RGL3: variants seen among roughly 807,000 people sequenced by gnomAD.
RGL3 encodes ral guanine nucleotide dissociation stimulator-like 3.
RGL3 carries 85 observed loss-of-function variants against 90.6 expected under a neutral mutation model. The ratio of observed to expected loss-of-function variants is 0.94; its 90% CI spans 0.79 to 1.12. The LOEUF (loss-of-function observed/expected upper bound fraction) is 1.12. RGL3 is among the 50% of genes most tolerant of loss of function. The probability of loss-of-function intolerance (pLI) is 0.00; values close to 1 mark genes in which losing one functional copy is unlikely to be tolerated. For synonymous variants in RGL3, 408 were observed against 385.5 expected, an observed-to-expected ratio of 1.06 and a Z score of -0.68; for missense variants, 1,034 against 939.2, an observed-to-expected ratio of 1.10 and a Z score of -1.32.
At chr19:11,405,670 G>A (rs1017749440) in intron 7 of RGL3, among the ~76,000 whole-genome samples, 4 of 149,252 alleles carry the variant, frequency 2.7e-5, no homozygotes, top group African/African-American at 9.8e-5. Flanking sequence ...CTACAGGCGC[G>A]CGCCATCATG....
intron 5 of RGL3, chr19:11,408,688 A>G (rs1968824049): frequency 6.6e-6 from 1 of 152,220 alleles, no homozygotes; most frequent in Non-Finnish European, 1.5e-5. Context: ...TGGAGGGGAA[A>G]CTTTGGAAAC....
Position 11,406,425 on chromosome 19 carries a change from G to C in RGL3, c.990C>G (p.Ile330Met). ...RAQRLEKWIR[I>M]AQRCRELRNF... ...CTCCGCGCCCGCAACACACCTGGGC[G>C]ATGCGGATCCACTTCTCCAGCCGCT... Residue 330 changes from isoleucine to methionine, a missense_variant, in exon 7 of 19, where the codon ATC becomes ATG. Transcript: ENST00000380456. 1.3e-6 allele frequency: 2 copies of C among 1,537,226 alleles called. No individual in the cohort carries two copies. Among genetic ancestry groups the C allele is most frequent in the Non-Finnish European group, 1.7e-6 (2 of 1,146,390 alleles).
At chr19:11,418,639 G>C in intron 2 of RGL3, 32 bp downstream of exon 2, 1 of 1,497,464 alleles carries the variant, frequency 6.7e-7, no homozygotes, top group Non-Finnish European at 9.0e-7. Context: ...GTCGCTTCCG[G>C]CCCCGCGCCA....
At chr19:11,411,931 T>A (rs1035107707) in intron 5 of RGL3, among the ~76,000 whole-genome samples, 1 of 152,148 alleles carries the variant, frequency 6.6e-6, no homozygotes, top group African/African-American at 2.4e-5. Context: ...GGATTTTTTT[T>A]ATATCAAATA....
intron 2 of RGL3, among the ~76,000 whole-genome samples, chr19:11,417,566 G>A (rs982646358): frequency 2.0e-5 from 3 of 150,574 alleles, no homozygotes; most frequent in Non-Finnish European, 4.4e-5. Context: ...CGCCTCCTGG[G>A]TTCAAGCAAT....
In RGL3 at chr19:11,397,313, G is replaced by T. The variant is rs576348911; in HGVS notation, c.1945C>A (p.Gln649Lys). 3 of 1,611,372 alleles carry T rather than the reference G, an allele frequency of 1.9e-6. No homozygotes were observed. The highest frequency in any genetic ancestry group is 4.5e-5 in the East Asian group (2 of 44,870). Residue 649 changes from glutamine to lysine, a missense_variant, in exon 18 of 19, where the codon CAG becomes AAG. Physicochemically the swap from Gln to Lys is moderately conservative, Grantham distance 53. Coordinates refer to ENST00000380456, the MANE Select transcript of RGL3 (RefSeq NM_001035223.4). ...CAGGGCTGGGGCACATTGTGCTTCT[G>T]CAAGGCTCGCCGGACCACGCTGGGG... ...KAPSVVRRAL[Q>K]KHNVPQPWAC... is the part of the protein sequence containing the mutation.
At chr19:11,418,467 G>A in intron 2 of RGL3, 2 of 577,412 alleles carry the variant, frequency 3.5e-6, no homozygotes, top group East Asian at 6.0e-5. Flanking sequence ...CGCGGCCATC[G>A]CCTGGCCCCA....
Position 11,400,044 on chromosome 19 carries a change from AGGT to A in RGL3, c.1642_1644del (p.Thr548del). 6.2e-7 allele frequency: 1 copy of A among 1,605,118 alleles called. No individual in the cohort carries two copies. The highest frequency in any genetic ancestry group is 1.1e-5 in the South Asian group (1 of 90,066). On this transcript the variant is annotated inframe_deletion, in exon 15 of 19. Transcript: ENST00000380456. ...ATCACCAAGCAGAATGCTCACCTGG[AGGT>A]GGGGGATGAGGGGTCCCCGGGACTC...
chr19:11,412,280 CAAAAA>C (rs35289278), intron 5 of RGL3, among the ~76,000 whole-genome samples: 1 of 65,630 alleles, frequency 1.5e-5, no homozygotes, highest in Admixed American at 1.5e-4. Flanking sequence ...AACTCCGTCT[CAAAAA>C]AAAAAAAAAA....
intron 9 of RGL3, among the ~76,000 whole-genome samples, chr19:11,404,583 C>A (rs533922135): frequency 1.8e-3 from 274 of 150,610 alleles, no homozygotes; most frequent in African/African-American, 5.1e-3. Context: ...ACAACAACAA[C>A]AAAAAACCAG....
At chr19:11,402,270 T>C (rs770560578) in intron 11 of RGL3, 23 bp from the exon 12 acceptor site, 7 of 1,610,900 alleles carry the variant, frequency 4.3e-6, no homozygotes, top group Middle Eastern at 1.6e-4. Context: ...TGTGTCTGAA[T>C]TGCAGCACCC....
intron 1 of RGL3, 61 bp downstream of exon 1, chr19:11,419,185 G>T: frequency 6.4e-7 from 1 of 1,553,834 alleles, no homozygotes. Flanking sequence ...GCGGGCGCTT[G>T]GAGTTTCTGG....
Position 11,416,560 on chromosome 19 carries a change from T to G in RGL3, c.425+54A>C, listed in dbSNP as rs898210520. 11 of 1,557,732 alleles carry G rather than the reference T, an allele frequency of 7.1e-6. No homozygotes were observed. The African/African-American group carries it at 9.5e-5, about 13-fold the overall frequency. On this transcript the variant is annotated intron_variant, in intron 4 of 18. Transcript: ENST00000380456. Reference sequence around the variant, plus strand: ...CAAAACCCCAGTCCGACTGCTAACCTTTGACCTCTTGGATTTCCCTCCCCG... The same window carrying G: ...CAAAACCCCAGTCCGACTGCTAACCGTTGACCTCTTGGATTTCCCTCCCCG...
intron 18 of RGL3, 83 bp from the exon 19 acceptor site, chr19:11,394,603 C>T: frequency 2.0e-6 from 2 of 1,009,266 alleles, no homozygotes; most frequent in South Asian, 1.3e-5. Context: ...TCCTGCCACT[C>T]ACCCGCGAAC....
intron 18 of RGL3, among the ~76,000 whole-genome samples, chr19:11,396,084 C>T (rs1968560303): frequency 7.2e-6 from 1 of 138,586 alleles, no homozygotes. Flanking sequence ...CAGGCACATG[C>T]CACCATGCTC....
chr19:11,414,173 A>T lies in RGL3; in HGVS notation c.637+1764T>A, dbSNP rs1415378845. ...TATATATATATATATATATATATAT[A>T]TATACACCTATATATATATACCTTT... On this transcript the variant is annotated intron_variant, in intron 5 of 18. Coordinates refer to ENST00000380456, the MANE Select transcript of RGL3 (RefSeq NM_001035223.4). Among the ~76,000 whole-genome samples, 13 of 96,602 alleles carry T rather than the reference A, an allele frequency of 1.3e-4. No homozygotes were observed. In the South Asian group the frequency reaches 2.8e-3, roughly 21 times the overall value. The allele number at this position is 96,602 out of a possible 152,430, so 63.4% of individuals were successfully genotyped here. A position where few individuals can be genotyped will look rare whatever the true frequency, so the allele number is the denominator to read the frequency against.
rs75384233 is a variant in RGL3 at position 11,396,206 on chromosome 19, T to C, written c.2014+1038A>G. 8.7e-3 allele frequency among the ~76,000 whole-genome samples: 981 copies of C among 113,048 alleles called. 17 individuals carry two copies. Among genetic ancestry groups the C allele is most frequent in the East Asian group, 0.066 (215 of 3,250 alleles). The allele number at this position is 113,048 out of a possible 152,430, so 74.2% of individuals were successfully genotyped here. A position where few individuals can be genotyped will look rare whatever the true frequency, so the allele number is the denominator to read the frequency against. ...TTTTTTGAGACAGAGTCTTGCTCAG[T>C]CGCCAGGCTGGAGTGCAGTGGTGCG... is the stretch of plus-strand genomic sequence containing the variant. On this transcript the variant is annotated intron_variant, in intron 18 of 18. Transcript: ENST00000380456.
intron 9 of RGL3, among the ~76,000 whole-genome samples, 173 bp from the exon 10 acceptor site, chr19:11,402,879 G>A (rs1005277089): frequency 2.6e-5 from 4 of 151,490 alleles, no homozygotes; most frequent in Admixed American, 1.3e-4. Flanking sequence ...AGGCCAAGGC[G>A]AGCAGATCAT....
At chr19:11,405,812 C>T (rs1968767255) in intron 7 of RGL3, among the ~76,000 whole-genome samples, 1 of 151,616 alleles carries the variant, frequency 6.6e-6, no homozygotes, top group African/African-American at 2.4e-5. Context: ...TATCCTGCCT[C>T]AGCCTCCCAA....
Sources: allele counts gnomAD v4.1 joint callset (sites outside exome capture counted in the v4.1 genomes callset), GRCh38; gene constraint gnomAD v4.1.1; transcripts MANE v1.5; gene names NCBI Gene and HGNC (gene_info 2026-07-23, HGNC 2026-07-21).